Variants in MARK3 observed in about 807,000 individuals in gnomAD.
MARK3 encodes MAP/microtubule affinity-regulating kinase 3.
MARK3 carries 46 observed loss-of-function variants against 90.1 expected under a neutral mutation model. The ratio of observed to expected loss-of-function variants is 0.51; its 90% CI spans 0.40 to 0.65. The LOEUF is 0.65. Among genes scored for constraint, MARK3 ranks in the 30% least tolerant of loss-of-function variants. The pLI, the probability that MARK3 is intolerant of heterozygous loss-of-function variation, is 0.00. For synonymous variants in MARK3, 321 were observed against 332.6 expected, an observed-to-expected ratio of 0.97 and a Z score of 0.38; for missense variants, 818 against 947.2, an observed-to-expected ratio of 0.86 and a Z score of 1.79.
At chr14:103,489,006 T>TA (rs1296701775) in intron 14 of MARK3, among the ~76,000 whole-genome samples, 1 of 152,222 alleles carries the variant, frequency 6.6e-6, no homozygotes. Flanking sequence ...GCTTTCTGCT[T>TA]ACACTGGTGG....
At chr14:103,448,023 T>A (rs2093039152) in intron 3 of MARK3, among the ~76,000 whole-genome samples, 1 of 152,254 alleles carries the variant, frequency 6.6e-6, no homozygotes, top group African/African-American at 2.4e-5. Context: ...TCCACCCACC[T>A]TGGTTTCCCA....
intron 3 of MARK3, among the ~76,000 whole-genome samples, chr14:103,439,015 A>G (rs2092785392): frequency 6.6e-6 from 1 of 151,404 alleles, no homozygotes. Context: ...AAGCACACAC[A>G]TTGTTGCTAC....
Position 103,462,386 on chromosome 14 carries a change from C to T in MARK3, c.484-19C>T, listed in dbSNP as rs762815587. The T allele has an allele frequency of 5.1e-6, 8 of 1,578,800 alleles. No homozygotes were observed. Among genetic ancestry groups the T allele is most frequent in the Non-Finnish European group, 2.6e-6 (3 of 1,151,146 alleles). ...GAATCTGCACCAGTGATGACTGACT[C>T]TGCGTCTCTCCTATTCAGATTGTGT... On this transcript the variant is annotated intron_variant, in intron 6 of 17. Transcript: ENST00000429436.
At chr14:103,443,259 T>C (rs1056591469) in intron 3 of MARK3, among the ~76,000 whole-genome samples, 3 of 152,250 alleles carry the variant, frequency 2.0e-5, no homozygotes, top group Non-Finnish European at 2.9e-5. Context: ...GATTGAATTC[T>C]TTGAGATCTA....
At chr14:103,493,687 C>T (rs1184721854) in intron 15 of MARK3, among the ~76,000 whole-genome samples, 1 of 151,632 alleles carries the variant, frequency 6.6e-6, no homozygotes, top group Admixed American at 6.6e-5. Flanking sequence ...CCAGCCTGAC[C>T]AATATGGTGA....
At position 103,495,338 on chromosome 14, in the gene MARK3, G is replaced by A. The variant is rs529157204; in HGVS notation, c.1845-3164G>A. Among the ~76,000 whole-genome samples, 128 of 152,322 alleles carry A rather than the reference G, an allele frequency of 8.4e-4. 1 individual carries two copies. Among genetic ancestry groups the A allele is most frequent in the African/African-American group, 3.0e-3 (125 of 41,558 alleles). Reference sequence around the variant, plus strand: ...CTACTAAAAATACAAAAATTAGCTTGATGTTGTGGCACATGCTTGTAATTC... The same window carrying A: ...CTACTAAAAATACAAAAATTAGCTTAATGTTGTGGCACATGCTTGTAATTC... On this transcript the variant is annotated intron_variant, in intron 15 of 17. Coordinates refer to ENST00000429436, the MANE Select transcript of MARK3 (RefSeq NM_001128918.3).
At chr14:103,456,397 A>G (rs1290197815) in intron 5 of MARK3, among the ~76,000 whole-genome samples, 2 of 152,228 alleles carry the variant, frequency 1.3e-5, no homozygotes, top group East Asian at 1.9e-4. Flanking sequence ...GACTCTTCCT[A>G]GCCTCATGAA....
At chr14:103,410,906 G>A (rs191945027) in intron 2 of MARK3, among the ~76,000 whole-genome samples, 29 of 152,196 alleles carry the variant, frequency 1.9e-4, no homozygotes, top group Non-Finnish European at 3.7e-4. Context: ...TATTTATGTG[G>A]CAAAATCATT....
intron 7 of MARK3, among the ~76,000 whole-genome samples, chr14:103,464,750 GC>G (rs1445996714): frequency 6.6e-6 from 1 of 152,170 alleles, no homozygotes; most frequent in African/African-American, 2.4e-5. Flanking sequence ...AGGCTGGAGT[GC>G]AGTGGCACAG....
chr14:103,427,923 A>G (rs2092463839), intron 2 of MARK3, among the ~76,000 whole-genome samples: 1 of 151,784 alleles, frequency 6.6e-6, no homozygotes, highest in South Asian at 2.1e-4. Context: ...CTCCTATCTC[A>G]CCCTGTGACT....
intron 1 of MARK3, among the ~76,000 whole-genome samples, chr14:103,403,467 T>C (rs764899421): frequency 2.0e-5 from 3 of 152,152 alleles, no homozygotes; most frequent in Non-Finnish European, 2.9e-5. Context: ...CTATAGTGGT[T>C]AGCATTTATA....
chr14:103,433,752 A>G (rs2092648531), intron 3 of MARK3, among the ~76,000 whole-genome samples: 1 of 152,108 alleles, frequency 6.6e-6, no homozygotes, highest in Non-Finnish European at 1.5e-5. Flanking sequence ...TCTGATTTCT[A>G]GGAAGGTCAG....
At chr14:103,405,052 A>G (rs983332826) in intron 1 of MARK3, 24 bp from the exon 2 acceptor site, 4 of 1,594,984 alleles carry the variant, frequency 2.5e-6, no homozygotes, top group Non-Finnish European at 2.6e-6. Flanking sequence ...TCATTTCCTT[A>G]TCTTTGTGTA....
At chr14:103,458,902 A>G (rs2093337784) in intron 6 of MARK3, 1 of 464,928 alleles carries the variant, frequency 2.2e-6, no homozygotes, top group African/African-American at 2.0e-5. Context: ...CAAAGTAAAA[A>G]TCAGCTTTGG....
At chr14:103,469,801 G>T (rs1477207152) in intron 12 of MARK3, among the ~76,000 whole-genome samples, 1 of 151,908 alleles carries the variant, frequency 6.6e-6, no homozygotes, top group Non-Finnish European at 1.5e-5. Flanking sequence ...GGTGGCTCAT[G>T]CCTGTAATTC....
intron 15 of MARK3, among the ~76,000 whole-genome samples, chr14:103,494,103 G>A (rs1265935721): frequency 6.6e-6 from 1 of 151,508 alleles, no homozygotes; most frequent in Non-Finnish European, 1.5e-5. Context: ...GGGTGGTGGC[G>A]CTCGCCTGTA....
chr14:103,420,317 C>T (rs772707766), intron 2 of MARK3, among the ~76,000 whole-genome samples: 6 of 152,126 alleles, frequency 3.9e-5, no homozygotes, highest in African/African-American at 9.7e-5. Flanking sequence ...CAGCTCTCTA[C>T]CTCCTGGGCC....
At chr14:103,459,782 G>A (rs1277676204) in intron 6 of MARK3, among the ~76,000 whole-genome samples, 4 of 151,876 alleles carry the variant, frequency 2.6e-5, no homozygotes, top group Non-Finnish European at 5.9e-5. Flanking sequence ...CCAAAATGCT[G>A]GGATTACAGA....
At chr14:103,444,086 CTTTTTT>C (rs10676381) in intron 3 of MARK3, among the ~76,000 whole-genome samples, 1 of 116,406 alleles carries the variant, frequency 8.6e-6, no homozygotes, top group Non-Finnish European at 1.7e-5. Context: ...GTAAAATTGT[CTTTTTT>C]TTTTTTTTTT....
Sources: gnomAD v4.1 joint callset for allele counts (sites outside exome capture counted in the v4.1 genomes callset) on GRCh38, gnomAD v4.1.1 for gene constraint, MANE v1.5 for transcripts, NCBI Gene and HGNC (gene_info 2026-07-23, HGNC 2026-07-21) for gene names.